KIN: variants seen among roughly 807,000 people sequenced by gnomAD.
KIN encodes the protein Kin17 DNA and RNA binding protein.
KIN carries 47 observed loss-of-function variants against 63.0 expected under a neutral mutation model. The observed-to-expected ratio is 0.75, with a 90% CI of 0.59 to 0.95. KIN has a LOEUF of 0.95. Ranked by LOEUF, KIN falls within the 40% of genes least tolerant of loss-of-function variation. The probability of loss-of-function intolerance (pLI) is 0.00; values close to 1 mark genes in which losing one functional copy is unlikely to be tolerated. For synonymous variants in KIN, 160 were observed against 157.7 expected (o/e 1.01, Z -0.11); for missense variants, 408 against 460.9 (o/e 0.89, Z 1.05).
In KIN at chr10:7,787,911, G is replaced by A. The variant is rs1173590662; in HGVS notation, c.23C>T (p.Thr8Ile). The A allele has an allele frequency of 6.2e-7, 1 of 1,613,880 alleles. No homozygotes were observed. Among genetic ancestry groups the A allele is most frequent in the South Asian group, 1.1e-5 (1 of 91,082 alleles). The change falls in exon 1 of 13, where the codon ACT (threonine) becomes ATT (isoleucine). Residue 8 changes from threonine to isoleucine, a missense_variant. Transcript: ENST00000379562. MGKSDFL[T>I]PKAIANRIKS... ...GATCCTGTTGGCGATAGCCTTGGGA[G>A]TAAGAAAATCCGACTTCCCCATGGC...
Position 7,780,456 on chromosome 10 carries a change from G to A in KIN, c.210-149C>T, listed in dbSNP as rs186580894. ...GTCACCCAAGCTGGAGTGCAATAGT[G>A]TGATCTCAGCTCATTGCAACCTCCA... On this transcript the variant is annotated intron_variant, in intron 2 of 12. Transcript: ENST00000379562. 1.3e-4 allele frequency: 77 copies of A among 603,672 alleles called. No homozygotes were observed. The East Asian group carries it at 1.6e-3, about 13-fold the overall frequency. The allele number at this position is 603,672 out of a possible 1,614,324, so 37.4% of individuals were successfully genotyped here.
chr10:7,775,865 A>G, intron 5 of KIN, 66 bp from the exon 6 acceptor site: 1 of 884,764 alleles, frequency 1.1e-6, no homozygotes, highest in South Asian at 1.6e-5. Flanking sequence ...CAATAGGCCT[A>G]AATTATGACT....
intron 9 of KIN, among the ~76,000 whole-genome samples, 179 bp downstream of exon 9, chr10:7,765,874 A>T (rs1277125367): frequency 1.3e-5 from 2 of 152,208 alleles, no homozygotes; most frequent in Non-Finnish European, 2.9e-5. Flanking sequence ...TAACTCTCCA[A>T]TAGAGGTGCA....
intron 5 of KIN, among the ~76,000 whole-genome samples, chr10:7,778,593 T>C (rs187653383): frequency 3.3e-5 from 5 of 152,066 alleles, no homozygotes; most frequent in Non-Finnish European, 5.9e-5. Flanking sequence ...ACAAAAATTA[T>C]CTGGGCGTGG....
At chr10:7,760,750 G>A (rs7074547) in intron 11 of KIN, among the ~76,000 whole-genome samples, 1 of 151,836 alleles carries the variant, frequency 6.6e-6, no homozygotes, top group African/African-American at 2.4e-5. Flanking sequence ...CTTTATTATA[G>A]ATATGTATGT....
intron 11 of KIN, among the ~76,000 whole-genome samples, chr10:7,762,123 C>A (rs185320367): frequency 1.3e-5 from 2 of 152,158 alleles, no homozygotes; most frequent in African/African-American, 4.8e-5. Flanking sequence ...ATTGGAAACT[C>A]TTCTGGTCCA....
chr10:7,778,207 T>A (rs1487722350), intron 5 of KIN, among the ~76,000 whole-genome samples: 1 of 152,214 alleles, frequency 6.6e-6, no homozygotes, highest in African/African-American at 2.4e-5. Context: ...TTACCTCCAG[T>A]ACTGAATTAA....
intron 1 of KIN, among the ~76,000 whole-genome samples, chr10:7,787,479 G>A (rs1836046014): frequency 6.6e-6 from 1 of 152,216 alleles, no homozygotes; most frequent in South Asian, 2.1e-4. Flanking sequence ...TCAAGTAAGA[G>A]CTGATGACTG....
At position 7,756,124 on chromosome 10, in the gene KIN, T is replaced by C; in HGVS notation, c.1138A>G (p.Arg380Gly). 6.3e-7 allele frequency: 1 copy of C among 1,589,196 alleles called. No homozygotes were observed. Among genetic ancestry groups the C allele is most frequent in the Non-Finnish European group, 8.6e-7 (1 of 1,167,174 alleles). Residue 380 changes from arginine (R) to glycine (G), a missense_variant, in exon 13 of 13, where the codon AGA becomes GGA. Transcript: ENST00000379562. ...VIETGPLKGR[R>G]VEGIQYEDIS... ...TCTTCATATTGAATTCCTTCAACTC[T>C]GCGTCCTTTTAAAGGGCCCTACAAA...
intron 2 of KIN, 69 bp from the exon 3 acceptor site, chr10:7,780,376 T>C: frequency 7.6e-7 from 1 of 1,313,298 alleles, no homozygotes; most frequent in East Asian, 2.3e-5. Context: ...TTTTGAAATT[T>C]AAGCAGTAGT....
intron 1 of KIN, among the ~76,000 whole-genome samples, chr10:7,783,955 G>A (rs893698128): frequency 2.0e-5 from 3 of 151,976 alleles, no homozygotes; most frequent in Admixed American, 6.6e-5. Flanking sequence ...TTCCACACTC[G>A]ATTTTGCTTC....
chr10:7,782,941 A>G (rs941421952), intron 2 of KIN, 140 bp downstream of exon 2: 1 of 406,592 alleles, frequency 2.5e-6, no homozygotes, highest in African/African-American at 2.4e-5. Flanking sequence ...AATTTTCAAA[A>G]GAAGATAAAA....
intron 4 of KIN, among the ~76,000 whole-genome samples, chr10:7,779,474 TG>T (rs1835853232): frequency 6.6e-6 from 1 of 152,044 alleles, no homozygotes; most frequent in East Asian, 1.9e-4. Context: ...ATGCAGCAAA[TG>T]GGATTTTCCA....
intron 12 of KIN, among the ~76,000 whole-genome samples, chr10:7,759,292 C>T (rs754286930): frequency 2.0e-5 from 3 of 152,182 alleles, no homozygotes; most frequent in Non-Finnish European, 4.4e-5. Context: ...TCAGACCTCA[C>T]TCACAGACCT....
intron 2 of KIN, among the ~76,000 whole-genome samples, chr10:7,781,208 C>T (rs1038694097): frequency 1.3e-5 from 2 of 152,186 alleles, no homozygotes; most frequent in Middle Eastern, 3.4e-3. Context: ...ATAAGTAGAA[C>T]CCTAGAGGTG....
At chr10:7,768,776 G>C (rs1469445905) in intron 8 of KIN, among the ~76,000 whole-genome samples, 5 of 152,142 alleles carry the variant, frequency 3.3e-5, no homozygotes, top group Admixed American at 3.3e-4. Flanking sequence ...CCAGCATTTG[G>C]GAGTCCAAGG....
At chr10:7,764,832 T>A (rs1392923838) in intron 9 of KIN, among the ~76,000 whole-genome samples, 3 of 152,188 alleles carry the variant, frequency 2.0e-5, no homozygotes, top group South Asian at 4.1e-4. Flanking sequence ...CCACAGTAGA[T>A]CTGTTAAAAA....
chr10:7,769,393 G>T, intron 7 of KIN, 48 bp from the exon 8 acceptor site: 3 of 1,572,786 alleles, frequency 1.9e-6, no homozygotes, highest in South Asian at 1.2e-5. Flanking sequence ...ATACACAGAC[G>T]AATGCTTTAC....
chr10:7,770,048 A>G (rs1261791969), intron 7 of KIN, among the ~76,000 whole-genome samples: 1 of 152,156 alleles, frequency 6.6e-6, no homozygotes, highest in African/African-American at 2.4e-5. Flanking sequence ...CTCGTGCCTC[A>G]GCCTCCCAAG....
Sources: gnomAD v4.1 joint callset for allele counts (sites outside exome capture counted in the v4.1 genomes callset) on GRCh38, gnomAD v4.1.1 for gene constraint, MANE v1.5 for transcripts, NCBI Gene and HGNC (gene_info 2026-07-23, HGNC 2026-07-21) for gene names.